Variants in FSTL5 observed in about 807,000 individuals in gnomAD.
FSTL5 encodes the protein follistatin-related protein 5.
Under a neutral mutation model 89.1 loss-of-function variants are expected in FSTL5, and 62 were observed. The ratio of observed to expected loss-of-function variants is 0.70; its 90% CI spans 0.57 to 0.86. The LOEUF (loss-of-function observed/expected upper bound fraction) is 0.86. FSTL5 is among the 40% of genes least tolerant of loss of function. The probability of loss-of-function intolerance (pLI) is 0.00; values close to 1 mark genes in which losing one functional copy is unlikely to be tolerated. For missense variants in FSTL5, 1,057 were observed against 1,001.6 expected (o/e 1.06, Z -0.75); for synonymous variants, 383 against 346.2 (o/e 1.11, Z -1.18).
chr4:161,617,794 T>C (rs1229947767), intron 7 of FSTL5, among the ~76,000 whole-genome samples: 1 of 152,172 alleles, frequency 6.6e-6, no homozygotes, highest in Non-Finnish European at 1.5e-5. Flanking sequence ...GTGAAAATAT[T>C]TGTTGCAGAT....
Position 161,670,078 on chromosome 4 carries a change from T to C in FSTL5, c.728-13584A>G, listed in dbSNP as rs539718414. 2.6e-5 allele frequency among the ~76,000 whole-genome samples: 4 copies of C among 152,330 alleles called. No individual in the cohort carries two copies. The South Asian group carries it at 8.3e-4, about 32-fold the overall frequency. ...CATTATATTCTAAATTTGTGAAATA[T>C]TGAATGCATGAAATGCAGAATTAAC... On this transcript the variant is annotated intron_variant, in intron 6 of 15. Transcript: ENST00000306100.
chr4:162,037,028 G>C lies in FSTL5; in HGVS notation c.127-3370C>G, dbSNP rs1737766453. 4.6e-5 allele frequency among the ~76,000 whole-genome samples: 7 copies of C among 151,672 alleles called. 2 individuals are homozygous for C. The Admixed American group carries it at 4.6e-4, about 10-fold the overall frequency. Reference sequence around the variant, plus strand: ...TATGTTTGTTGTTTATTGGCCTTTTGCTTTATTTTGTTTAGTTTTGTAATA... The same window carrying C: ...TATGTTTGTTGTTTATTGGCCTTTTCCTTTATTTTGTTTAGTTTTGTAATA... On this transcript the variant is annotated intron_variant, in intron 2 of 15. Coordinates refer to ENST00000306100, the MANE Select transcript of FSTL5 (RefSeq NM_020116.5).
intron 1 of FSTL5, among the ~76,000 whole-genome samples, chr4:162,156,215 T>C (rs999819207): frequency 6.6e-6 from 1 of 152,160 alleles, no homozygotes; most frequent in Admixed American, 6.5e-5. Flanking sequence ...CCAGTCAGAA[T>C]GGTTATGATT....
chr4:161,521,848 C>CAAAAA (rs11405532), intron 10 of FSTL5, among the ~76,000 whole-genome samples: 10 of 58,128 alleles, frequency 1.7e-4, no homozygotes, highest in African/African-American at 7.5e-4. Flanking sequence ...GACTCCACCT[C>CAAAAA]AAAAAAAAAA....
chr4:161,443,703 G>T (rs533402365), intron 15 of FSTL5, among the ~76,000 whole-genome samples: 57 of 152,026 alleles, frequency 3.7e-4, no homozygotes, highest in Non-Finnish European at 7.4e-4. Flanking sequence ...GACTAGAGGA[G>T]CAGGAAAAGT....
rs376968843 is a variant in FSTL5, at chr4:161,687,554, A to G, written c.728-31060T>C. On this transcript the variant is annotated intron_variant, in intron 6 of 15. Transcript: ENST00000306100. ...TCAGTATTTCAGCCTCAATTCAACT[A>G]GGCAATTATTTCACTTTAAATTTTT... Among the ~76,000 whole-genome samples, 6 of 152,300 alleles carry G rather than the reference A, an allele frequency of 3.9e-5. No homozygotes were observed. The East Asian group carries it at 9.6e-4, about 24-fold the overall frequency.
chr4:161,623,421 C>T (rs1407845015), intron 7 of FSTL5, among the ~76,000 whole-genome samples: 1 of 151,662 alleles, frequency 6.6e-6, no homozygotes, highest in Admixed American at 6.6e-5. Context: ...CATAAATTAT[C>T]CTACATTTTA....
chr4:161,613,059 T>C (rs1734706343), intron 7 of FSTL5, among the ~76,000 whole-genome samples: 1 of 152,184 alleles, frequency 6.6e-6, no homozygotes, highest in Non-Finnish European at 1.5e-5. Context: ...GGGTGGCTAA[T>C]ATGTAATAAA....
chr4:161,730,670 G>A (rs377553779), intron 6 of FSTL5, among the ~76,000 whole-genome samples: 3 of 152,220 alleles, frequency 2.0e-5, no homozygotes. Context: ...CACAAATCTA[G>A]TCCTTTCTCT....
At chr4:161,831,665 T>A (rs1730850266) in intron 4 of FSTL5, among the ~76,000 whole-genome samples, 1 of 151,798 alleles carries the variant, frequency 6.6e-6, no homozygotes. Context: ...TTCTAATATA[T>A]TTTTCCACAA....
At chr4:161,514,681 A>T (rs1730756800) in intron 10 of FSTL5, among the ~76,000 whole-genome samples, 1 of 152,154 alleles carries the variant, frequency 6.6e-6, no homozygotes, top group Non-Finnish European at 1.5e-5. Flanking sequence ...TTTAAAATTA[A>T]TTTTTGATGG....
At chr4:161,897,029 C>T (rs548490454) in intron 4 of FSTL5, among the ~76,000 whole-genome samples, 69 of 151,840 alleles carry the variant, frequency 4.5e-4, no homozygotes, top group Admixed American at 1.2e-3. Flanking sequence ...GCCTCCTGGG[C>T]GGAGAATCAA....
chr4:162,010,927 T>C (rs774950193), intron 3 of FSTL5, among the ~76,000 whole-genome samples: 12 of 151,966 alleles, frequency 7.9e-5, no homozygotes, highest in Admixed American at 2.6e-4. Context: ...TGTGGGTATA[T>C]GTTTTTATTT....
chr4:161,434,718 T>C (rs1374817553), intron 15 of FSTL5, among the ~76,000 whole-genome samples: 2 of 118,688 alleles, frequency 1.7e-5, no homozygotes, highest in Non-Finnish European at 4.2e-5. Context: ...CAAAAAACTC[T>C]ATAAGAAAAA....
intron 6 of FSTL5, among the ~76,000 whole-genome samples, chr4:161,661,276 C>T (rs1352028433): frequency 4.6e-5 from 7 of 152,018 alleles, no homozygotes; most frequent in African/African-American, 1.7e-4. Flanking sequence ...TATAGACTTA[C>T]GTTAAATATT....
intron 10 of FSTL5, among the ~76,000 whole-genome samples, chr4:161,518,705 A>G (rs75881112): frequency 0.075 from 11,448 of 152,320 alleles, 565 homozygotes; most frequent in Middle Eastern, 0.14. Context: ...AAATAAAAAA[A>G]TAAAAACAAC....
At chr4:161,798,474 C>CT (rs58425260) in intron 4 of FSTL5, among the ~76,000 whole-genome samples, 31,579 of 146,820 alleles carry the variant, frequency 0.22, 6,114 homozygotes, top group African/African-American at 0.52. Context: ...CATTGTAATA[C>CT]TTTTTTTTTT....
intron 4 of FSTL5, among the ~76,000 whole-genome samples, chr4:161,889,981 A>G (rs7688245): frequency 0.027 from 4,091 of 152,310 alleles, 180 homozygotes; most frequent in African/African-American, 0.092. Context: ...TTTGAAAAAC[A>G]TTAGAAGATT....
intron 4 of FSTL5, among the ~76,000 whole-genome samples, chr4:161,881,597 G>T (rs1232944167): frequency 2.0e-5 from 3 of 151,998 alleles, no homozygotes; most frequent in Non-Finnish European, 4.4e-5. Context: ...TCTCCTAACA[G>T]TCAGCATTGT....
Sources: gnomAD v4.1 joint callset for allele counts (sites outside exome capture counted in the v4.1 genomes callset) on GRCh38, gnomAD v4.1.1 for gene constraint, MANE v1.5 for transcripts, NCBI Gene and HGNC (gene_info 2026-07-23, HGNC 2026-07-21) for gene names.